The following AKAP19 variants were observed in gnomAD, a reference collection of about 807,000 sequenced individuals.
AKAP19 encodes small A-kinase anchoring protein.
the AKAP19 span, among the ~76,000 whole-genome samples, chr2:190,022,300 CA>C: frequency 6.6e-6 from 1 of 152,062 alleles, no homozygotes; most frequent in Admixed American, 6.6e-5. Flanking sequence ...TGCAAAAGAT[CA>C]TATACGGATT....
At chr2:189,908,529 G>T in the AKAP19 span, among the ~76,000 whole-genome samples, 1 of 152,024 alleles carries the variant, frequency 6.6e-6, no homozygotes, top group Non-Finnish European at 1.5e-5. Flanking sequence ...TACTTTTGCT[G>T]CATCGAATAA....
the AKAP19 span, among the ~76,000 whole-genome samples, chr2:190,188,304 G>A: frequency 6.6e-6 from 1 of 152,150 alleles, no homozygotes; most frequent in Non-Finnish European, 1.5e-5. Context: ...GAGAACTAAG[G>A]TATAAAAGAT....
the AKAP19 span, among the ~76,000 whole-genome samples, chr2:190,023,006 G>T: frequency 6.6e-6 from 1 of 152,018 alleles, no homozygotes; most frequent in African/African-American, 2.4e-5. Flanking sequence ...GGTTCCTTTT[G>T]GCTAAAGGCT....
chr2:190,134,315 G>C, the AKAP19 span, among the ~76,000 whole-genome samples: 1 of 152,102 alleles, frequency 6.6e-6, no homozygotes, highest in South Asian at 2.1e-4. Context: ...GGATGCAATA[G>C]TTTTATTAAA....
At chr2:189,960,096 C>A in the AKAP19 span, among the ~76,000 whole-genome samples, 7,932 of 152,144 alleles carry the variant, frequency 0.052, 722 homozygotes, top group African/African-American at 0.18. Flanking sequence ...ACTGATCTTA[C>A]ATTAATTACT....
the AKAP19 span, among the ~76,000 whole-genome samples, chr2:190,137,041 G>C: frequency 6.6e-6 from 1 of 152,224 alleles, no homozygotes; most frequent in African/African-American, 2.4e-5. Flanking sequence ...ACTTCATTCA[G>C]AACAGGGACA....
At chr2:189,976,907 C>A in the AKAP19 span, among the ~76,000 whole-genome samples, 8 of 152,196 alleles carry the variant, frequency 5.3e-5, no homozygotes, top group African/African-American at 1.9e-4. Flanking sequence ...AGGGAATTCC[C>A]TGACCCTTTG....
the AKAP19 span, among the ~76,000 whole-genome samples, chr2:189,980,734 G>A: frequency 6.6e-6 from 1 of 152,112 alleles, no homozygotes; most frequent in Non-Finnish European, 1.5e-5. Context: ...AAGTTCCAGG[G>A]TCTTCTGGAA....
the AKAP19 span, among the ~76,000 whole-genome samples, chr2:190,136,458 A>G: frequency 6.6e-6 from 1 of 152,168 alleles, no homozygotes; most frequent in Non-Finnish European, 1.5e-5. Context: ...CAGGTAATTA[A>G]CATTATTGTT....
At chr2:190,060,017 TA>T in the AKAP19 span, 10 of 1,574,698 alleles carry the variant, frequency 6.4e-6, no homozygotes, top group African/African-American at 9.5e-5. Context: ...ATATTATGAA[TA>T]AAAACATAAG....
the AKAP19 span, chr2:190,190,123 A>G: frequency 6.6e-6 from 1 of 152,244 alleles, no homozygotes; most frequent in African/African-American, 2.4e-5. Flanking sequence ...TAAAGGTACA[A>G]TCTAACATGT....
At chr2:190,171,422 A>C in the AKAP19 span, among the ~76,000 whole-genome samples, 31 of 152,286 alleles carry the variant, frequency 2.0e-4, no homozygotes, top group African/African-American at 6.0e-4. Flanking sequence ...AACTTTTCAA[A>C]ATGAAAATCA....
At chr2:190,029,511 TTAA>T in the AKAP19 span, among the ~76,000 whole-genome samples, 60 of 152,188 alleles carry the variant, frequency 3.9e-4, 1 homozygote, top group East Asian at 8.5e-3. Flanking sequence ...TATAAAAATG[TTAA>T]TGATACATTG....
At chr2:190,171,203 T>G in the AKAP19 span, among the ~76,000 whole-genome samples, 5 of 150,660 alleles carry the variant, frequency 3.3e-5, no homozygotes, top group Non-Finnish European at 5.9e-5. Flanking sequence ...AATTCTTTAT[T>G]ACAAAATGCA....
the AKAP19 span, among the ~76,000 whole-genome samples, chr2:189,957,099 C>T: frequency 6.6e-6 from 1 of 152,102 alleles, no homozygotes; most frequent in Admixed American, 6.5e-5. Flanking sequence ...TGCTTAAACC[C>T]AGGAGGTAGA....
the AKAP19 span, among the ~76,000 whole-genome samples, chr2:190,010,603 T>C: frequency 6.6e-6 from 1 of 152,206 alleles, no homozygotes; most frequent in African/African-American, 2.4e-5. Context: ...TATTTGAAGA[T>C]TAGTCATAAA....
the AKAP19 span, among the ~76,000 whole-genome samples, chr2:190,069,175 T>TGAGAGA: frequency 8.8e-3 from 1,084 of 123,500 alleles, 16 homozygotes; most frequent in African/African-American, 0.029. Flanking sequence ...TGTGTGTGTG[T>TGAGAGA]GAGAGAGAGA....
the AKAP19 span, among the ~76,000 whole-genome samples, chr2:190,059,580 CTT>C: frequency 2.0e-5 from 3 of 151,858 alleles, no homozygotes; most frequent in African/African-American, 7.3e-5. Flanking sequence ...AAATATCACT[CTT>C]AATTTCTCTG....
chr2:190,139,397 C>A, the AKAP19 span, among the ~76,000 whole-genome samples: 1,401 of 152,222 alleles, frequency 9.2e-3, 14 homozygotes, highest in Middle Eastern at 0.054. Context: ...TAGGATGGGG[C>A]AGAATTTATA....
Sources: allele counts gnomAD v4.1 joint callset (sites outside exome capture counted in the v4.1 genomes callset), GRCh38; gene constraint gnomAD v4.1.1; transcripts MANE v1.5; gene names NCBI Gene and HGNC (gene_info 2026-07-23, HGNC 2026-07-21).